Variants in RS1 observed in about 807,000 individuals in gnomAD.
The protein encoded by RS1 is retinoschisin 1, also known as retinoschisin.
A neutral mutation model predicts 20.8 loss-of-function variants in RS1; 2 were observed. The ratio of observed to expected loss-of-function variants is 0.10; its 90% CI spans 0.04 to 0.30. The LOEUF (loss-of-function observed/expected upper bound fraction) is 0.30. RS1 is among the 10% of genes least tolerant of loss of function. The probability of loss-of-function intolerance (pLI) is 1.00; values close to 1 mark genes in which losing one functional copy is unlikely to be tolerated. For missense variants in RS1, 151 were observed against 189.8 expected (o/e 0.80, Z 1.20); for synonymous variants, 70 against 75.8 (o/e 0.92, Z 0.40).
At chrX:18,665,612 G>A (rs1283289303) in intron 1 of RS1, among the ~76,000 whole-genome samples, 2 of 111,145 alleles carry the variant, frequency 1.8e-5, no homozygotes, top group Non-Finnish European at 3.8e-5. Flanking sequence ...GCTCATGGCT[G>A]TAATTCTAAC....
chrX:18,650,625 C>T, intron 3 of RS1: 1 of 1,199,171 alleles, frequency 8.3e-7, no homozygotes, highest in Non-Finnish European at 1.1e-6. Flanking sequence ...TGGGGCTCAG[C>T]CTGGGCTGTA....
intron 5 of RS1, among the ~76,000 whole-genome samples, chrX:18,643,991 G>A (rs972397855): frequency 3.6e-5 from 4 of 111,034 alleles, no homozygotes; most frequent in African/African-American, 1.3e-4. Context: ...TGGCTAATGG[G>A]TAACTTGCTA....
Position 18,642,015 on chromosome X carries a change from T to TG in RS1, c.663dup (p.Lys222GlnfsTer42), listed in dbSNP as rs199469700. The TG allele has an allele frequency of 8.3e-7, 1 of 1,211,337 alleles. No individual in the cohort carries two copies. Among genetic ancestry groups the TG allele is most frequent in the South Asian group, 1.8e-5 (1 of 56,984 alleles). On this transcript the variant is annotated frameshift_variant, in exon 6 of 6. Coordinates refer to ENST00000379984, the MANE Select transcript of RS1 (RefSeq NM_000330.4). LOFTEE classifies it high-confidence loss of function. The stretch of plus-strand genomic sequence containing the variant: ...AGCTGAGGCAGGCATCAGGCACACT[T>TG]GCTGACGCACTCCAGCAGCTCCATC...
intron 1 of RS1, among the ~76,000 whole-genome samples, chrX:18,668,692 A>G (rs934534726): frequency 5.3e-5 from 6 of 112,755 alleles, no homozygotes; most frequent in African/African-American, 1.9e-4. Flanking sequence ...TGCTTCAAAC[A>G]CAGATGAACC....
chrX:18,664,136 G>A (rs768374006), intron 1 of RS1, among the ~76,000 whole-genome samples: 115 of 112,282 alleles, frequency 1.0e-3, no homozygotes, highest in African/African-American at 3.6e-3. Context: ...GGCAGTATTT[G>A]TAATACCCCC....
chrX:18,645,854 G>A (rs1424275085), intron 4 of RS1, among the ~76,000 whole-genome samples: 2 of 110,926 alleles, frequency 1.8e-5, no homozygotes, highest in African/African-American at 6.6e-5. Context: ...TGGCTAAGAT[G>A]GCATTTCCTA....
chrX:18,665,294 C>T (rs911675764), intron 1 of RS1, among the ~76,000 whole-genome samples: 11 of 112,280 alleles, frequency 9.8e-5, no homozygotes, highest in Non-Finnish European at 2.1e-4. Context: ...AACGCTTTGG[C>T]GGGTCCCTGT....
intron 1 of RS1, among the ~76,000 whole-genome samples, chrX:18,661,668 C>T (rs1269719622): frequency 1.8e-5 from 2 of 111,368 alleles, no homozygotes; most frequent in Non-Finnish European, 3.8e-5. Context: ...CTCCTGGAGT[C>T]GGGCTTGGTA....
chrX:18,663,694 A>G (rs1643804684), intron 1 of RS1, among the ~76,000 whole-genome samples: 1 of 111,050 alleles, frequency 9.0e-6, no homozygotes, highest in African/African-American at 3.3e-5. Flanking sequence ...CTGACCTTCC[A>G]TCTTCACACC....
chrX:18,662,269 T>C (rs886914361), intron 1 of RS1, among the ~76,000 whole-genome samples: 1 of 112,651 alleles, frequency 8.9e-6, no homozygotes, highest in Admixed American at 9.4e-5. Context: ...AATGTCAGAC[T>C]CTGTGCTGGC....
chrX:18,672,039 T>C lies in RS1; in HGVS notation c.30A>G (p.Leu10=). 8.3e-7 allele frequency: 1 copy of C among 1,210,967 alleles called. No individual in the cohort carries two copies. Residue 10 remains leucine, a synonymous_variant, in exon 1 of 6, where the codon TTA becomes TTG. Coordinates refer to ENST00000379984, the MANE Select transcript of RS1 (RefSeq NM_000330.4). MSRKIEGFL[L]LLLFGYEATL... ...TACCTTCATAGCCAAAGAGAAGTAA[T>C]AACAAAAAGCCTTCTATCTTGCGTG...
At chrX:18,646,402 C>A (rs1370533621) in intron 4 of RS1, among the ~76,000 whole-genome samples, 1 of 112,257 alleles carries the variant, frequency 8.9e-6, no homozygotes, top group Admixed American at 9.4e-5. Flanking sequence ...AATCTGCCCC[C>A]CCTCGGCCTC....
chrX:18,657,981 G>A (rs1262324861), intron 1 of RS1, among the ~76,000 whole-genome samples: 5 of 110,841 alleles, frequency 4.5e-5, no homozygotes, highest in Admixed American at 9.6e-5. Context: ...ACCAGTCTGG[G>A]CACTATGACA....
chrX:18,642,206 G>T, intron 5 of RS1, 50 bp from the exon 6 acceptor site: 1 of 1,148,534 alleles, frequency 8.7e-7, no homozygotes, highest in Non-Finnish European at 1.2e-6. Flanking sequence ...GAGGGAAAAG[G>T]AAGAAGGGTT....
chrX:18,660,900 G>T (rs1374893649), intron 1 of RS1, among the ~76,000 whole-genome samples: 1 of 111,743 alleles, frequency 8.9e-6, no homozygotes, highest in Non-Finnish European at 1.9e-5. Context: ...TGCAGGGGCT[G>T]CAGTGGGAGT....
At chrX:18,648,585 A>C (rs1397704355) in intron 3 of RS1, among the ~76,000 whole-genome samples, 1 of 111,676 alleles carries the variant, frequency 9.0e-6, no homozygotes, top group Non-Finnish European at 1.9e-5. Context: ...TATTGGGAGC[A>C]GCAATGTAGC....
chrX:18,647,929 T>C (rs1253413137), intron 3 of RS1, among the ~76,000 whole-genome samples: 1 of 111,613 alleles, frequency 9.0e-6, no homozygotes, highest in Non-Finnish European at 1.9e-5. Flanking sequence ...TGGGGGACTG[T>C]TGAGTGAGAA....
At chrX:18,645,465 G>A (rs967672338) in intron 4 of RS1, among the ~76,000 whole-genome samples, 7 of 107,674 alleles carry the variant, frequency 6.5e-5, no homozygotes, top group African/African-American at 1.7e-4. Flanking sequence ...CAGACCCCAC[G>A]TCTCTGAGTT....
At chrX:18,653,682 A>C in intron 3 of RS1, 1 of 903,455 alleles carries the variant, frequency 1.1e-6, no homozygotes, top group Non-Finnish European at 1.5e-6. Flanking sequence ...AAGATCAAAA[A>C]CCAGGGCCAG....
Sources: gnomAD v4.1 joint callset for allele counts (sites outside exome capture counted in the v4.1 genomes callset) on GRCh38, gnomAD v4.1.1 for gene constraint, MANE v1.5 for transcripts, NCBI Gene and HGNC (gene_info 2026-07-23, HGNC 2026-07-21) for gene names.